KIN: variants seen among roughly 807,000 people sequenced by gnomAD.
The protein encoded by KIN is Kin17 DNA and RNA binding protein, also known as DNA/RNA-binding protein KIN17.
In KIN, 47 loss-of-function variants were observed where a neutral mutation model predicts 63.0. That is an observed-to-expected ratio of 0.75 (90% CI 0.59 to 0.95). The LOEUF is 0.95. KIN is among the 40% of genes least tolerant of loss of function. KIN has a pLI of 0.00. For synonymous variants in KIN, 160 were observed against 157.7 expected (o/e 1.01, Z -0.11); for missense variants, 408 against 460.9 (o/e 0.89, Z 1.05).
rs182105833 is a variant in KIN, at chr10:7,776,716, G to A, written c.559-917C>T. ...ACTGCCCTCCCCAGCCTGGGTGACAGAGCAAGACTCTGTCTCAAAAAAAAA... is the reference window on the plus strand; with the variant it reads ...ACTGCCCTCCCCAGCCTGGGTGACAAAGCAAGACTCTGTCTCAAAAAAAAA... On this transcript the variant is annotated intron_variant, in intron 5 of 12. Transcript: ENST00000379562. Among the ~76,000 whole-genome samples the A allele has an allele frequency of 4.0e-3, 541 of 135,010 alleles. 4 individuals carry two copies. Among genetic ancestry groups the A allele is most frequent in the African/African-American group, 0.013 (454 of 35,716 alleles). 88.6% of individuals were successfully genotyped at this position (135,010 alleles called of 152,430 possible).
rs1835312857 is a variant in KIN at position 7,755,314 on chromosome 10, A to C, written c.*766T>G. On this transcript the variant is annotated 3_prime_UTR_variant, in exon 13 of 13. Coordinates refer to ENST00000379562, the MANE Select transcript of KIN (RefSeq NM_012311.4). ...TACAGTGGAATATTAAGCAGCCATAAAAACAAATGAAGCACGCCTACATGC... is the reference window on the plus strand; with the variant it reads ...TACAGTGGAATATTAAGCAGCCATACAAACAAATGAAGCACGCCTACATGC... 1 of 152,246 alleles carries C rather than the reference A, an allele frequency of 6.6e-6. No individual in the cohort carries two copies. The highest frequency in any genetic ancestry group is 1.9e-4 in the East Asian group (1 of 5,204). 9.4% of individuals were successfully genotyped at this position (152,246 alleles called of 1,614,324 possible).
chr10:7,760,586 T>C (rs959663645), intron 11 of KIN, among the ~76,000 whole-genome samples: 1 of 152,156 alleles, frequency 6.6e-6, no homozygotes, highest in Non-Finnish European at 1.5e-5. Context: ...TCAGTCAGCG[T>C]GGTCCAAAAA....
chr10:7,778,265 C>A (rs1042431039), intron 5 of KIN, among the ~76,000 whole-genome samples: 4 of 152,130 alleles, frequency 2.6e-5, no homozygotes, highest in Admixed American at 6.5e-5. Context: ...CATTAGGTAG[C>A]GTCTCTATTT....
Position 7,787,928 on chromosome 10 carries a change from C to A in KIN, c.6G>T (p.Gly2=), listed in dbSNP as rs1314193668. 6.2e-7 allele frequency: 1 copy of A among 1,610,394 alleles called. No homozygotes were observed. Among genetic ancestry groups the A allele is most frequent in the Admixed American group, 1.7e-5 (1 of 60,032 alleles). ...CCTTGGGAGTAAGAAAATCCGACTT[C>A]CCCATGGCGACCACGGCAGCGATCA... is the stretch of plus-strand genomic sequence containing the variant. M[G]KSDFLTPKAI... Residue 2 remains glycine, a synonymous_variant, in exon 1 of 13, where the codon GGG becomes GGT. Transcript: ENST00000379562.
At chr10:7,774,683 T>G in intron 7 of KIN, 148 bp downstream of exon 7, 1 of 647,646 alleles carries the variant, frequency 1.5e-6, no homozygotes, top group Admixed American at 2.7e-5. Context: ...AAAAGAACAA[T>G]TGCTAAAAAA....
chr10:7,771,153 G>A (rs920934495), intron 7 of KIN, among the ~76,000 whole-genome samples: 3 of 151,936 alleles, frequency 2.0e-5, no homozygotes, highest in Non-Finnish European at 4.4e-5. Flanking sequence ...CGTAAGATAA[G>A]CTCCTCAACT....
In KIN at chr10:7,754,005, T is replaced by C; in HGVS notation, c.*2075A>G. Reference sequence around the variant, plus strand: ...CTCATGTTTGAAGTGATCATCCTGGTATGGTCTGTTTTTTGTTTGAACTCT... The same window carrying C: ...CTCATGTTTGAAGTGATCATCCTGGCATGGTCTGTTTTTTGTTTGAACTCT... On this transcript the variant is annotated 3_prime_UTR_variant, in exon 13 of 13. Transcript: ENST00000379562. 1 of 455,880 alleles carries C rather than the reference T, an allele frequency of 2.2e-6. No homozygotes were observed. The highest frequency in any genetic ancestry group is 1.6e-5 in the South Asian group (1 of 64,508). The allele number at this position is 455,880 out of a possible 1,614,324, so 28.2% of individuals were successfully genotyped here. A position where few individuals can be genotyped will look rare whatever the true frequency, so the allele number is the denominator to read the frequency against.
chr10:7,783,826 C>G (rs1357249022), intron 1 of KIN, among the ~76,000 whole-genome samples: 1 of 152,016 alleles, frequency 6.6e-6, no homozygotes, highest in Non-Finnish European at 1.5e-5. Context: ...AGCCATGAAA[C>G]CAGACAACAT....
chr10:7,777,460 G>T (rs1835802843), intron 5 of KIN, among the ~76,000 whole-genome samples: 1 of 152,120 alleles, frequency 6.6e-6, no homozygotes, highest in Non-Finnish European at 1.5e-5. Context: ...ATTTGTAAAA[G>T]TTCAGTGAAC....
chr10:7,759,277 A>G (rs577486260), intron 12 of KIN, among the ~76,000 whole-genome samples: 20 of 152,324 alleles, frequency 1.3e-4, no homozygotes, highest in Admixed American at 5.9e-4. Flanking sequence ...CTTTCTGAAG[A>G]TATCTCAGAC....
intron 12 of KIN, among the ~76,000 whole-genome samples, chr10:7,758,010 A>ATT (rs34809948): frequency 6.1e-4 from 85 of 138,896 alleles, no homozygotes; most frequent in African/African-American, 1.1e-3. Context: ...ATATACAGAG[A>ATT]TTTTTTTTTT....
At chr10:7,756,461 T>C (rs1045277935) in intron 12 of KIN, among the ~76,000 whole-genome samples, 1 of 152,210 alleles carries the variant, frequency 6.6e-6, no homozygotes, top group African/African-American at 2.4e-5. Context: ...GCTGTGGCCA[T>C]GCATGGAGCT....
At chr10:7,771,699 C>T (rs1004464686) in intron 7 of KIN, among the ~76,000 whole-genome samples, 1 of 151,966 alleles carries the variant, frequency 6.6e-6, no homozygotes, top group Non-Finnish European at 1.5e-5. Context: ...TTGAGACCAG[C>T]CTGACCAACA....
intron 1 of KIN, among the ~76,000 whole-genome samples, chr10:7,786,340 C>T (rs1017478688): frequency 1.3e-5 from 2 of 151,880 alleles, no homozygotes; most frequent in Non-Finnish European, 2.9e-5. Context: ...TTTAGAGATG[C>T]CTATTTAAGT....
At position 7,753,011 on chromosome 10, in the gene KIN, A is replaced by C. The variant is rs1219987383; in HGVS notation, c.*3069T>G. On this transcript the variant is annotated 3_prime_UTR_variant, in exon 13 of 13. Transcript: ENST00000379562. Reference sequence around the variant, plus strand: ...CAGTGGCAGATGCATGTCATTATACATTTGTCAAAACCCACAGAGACTGCT... The same window carrying C: ...CAGTGGCAGATGCATGTCATTATACCTTTGTCAAAACCCACAGAGACTGCT... The C allele has an allele frequency of 2.6e-5, 4 of 152,204 alleles. No homozygotes were observed. The highest frequency in any genetic ancestry group is 5.9e-5 in the Non-Finnish European group (4 of 68,036). The allele number at this position is 152,204 out of a possible 1,614,324, so 9.4% of individuals were successfully genotyped here.
At chr10:7,760,941 G>A (rs908303614) in intron 11 of KIN, among the ~76,000 whole-genome samples, 1 of 152,162 alleles carries the variant, frequency 6.6e-6, no homozygotes, top group African/African-American at 2.4e-5. Context: ...TAATTACACT[G>A]AGTGAAAGTA....
chr10:7,780,739 T>C (rs369781466), intron 2 of KIN, among the ~76,000 whole-genome samples: 1 of 152,174 alleles, frequency 6.6e-6, no homozygotes, highest in East Asian at 1.9e-4. Flanking sequence ...ATGTGAAACA[T>C]CTACATGAAT....
Position 7,751,943 on chromosome 10 carries a change from G to GCGGATCACA in KIN, c.*4136_*4137insTGTGATCCG, listed in dbSNP as rs1835251508. On this transcript the variant is annotated 3_prime_UTR_variant, in exon 13 of 13. Coordinates refer to ENST00000379562, the MANE Select transcript of KIN (RefSeq NM_012311.4). The stretch of plus-strand genomic sequence containing the variant: ...CCAGCTACTCGGGAGGCTGAGGCAG[G>GCGGATCACA]AGAATGGCGTGAACCCGGGAAGCGG... 3.6e-5 allele frequency: 1 copy of GCGGATCACA among 27,638 alleles called. No individual in the cohort carries two copies. Among genetic ancestry groups the GCGGATCACA allele is most frequent in the African/African-American group, 1.5e-4 (1 of 6,596 alleles). The allele number at this position is 27,638 out of a possible 1,614,324, so 1.7% of individuals were successfully genotyped here.
chr10:7,757,224 G>A (rs558437751), intron 12 of KIN, among the ~76,000 whole-genome samples: 4 of 152,004 alleles, frequency 2.6e-5, no homozygotes, highest in Non-Finnish European at 4.4e-5. Flanking sequence ...GTTGGGTCGG[G>A]CGCAGTGCTC....
Sources: allele counts gnomAD v4.1 joint callset (sites outside exome capture counted in the v4.1 genomes callset), GRCh38; gene constraint gnomAD v4.1.1; transcripts MANE v1.5; gene names NCBI Gene and HGNC (gene_info 2026-07-23, HGNC 2026-07-21).